Variants in ZBTB49 observed in about 807,000 individuals in gnomAD.
ZBTB49 encodes zinc finger and BTB domain containing 49.
In ZBTB49, 43 loss-of-function variants were observed where a neutral mutation model predicts 57.5. That is an observed-to-expected ratio of 0.75 (90% CI 0.59 to 0.97). The LOEUF (loss-of-function observed/expected upper bound fraction) is 0.97, where lower values mean the gene tolerates loss of function less well. ZBTB49 is among the 50% of genes least tolerant of loss of function. ZBTB49 has a pLI of 0.00. For synonymous variants in ZBTB49, 369 were observed against 362.1 expected, an observed-to-expected ratio of 1.02 and a Z score of -0.22; for missense variants, 938 against 947.7, an observed-to-expected ratio of 0.99 and a Z score of 0.13.
chr4:4,320,745 C>A lies in ZBTB49; in HGVS notation c.1727C>A (p.Ala576Glu), dbSNP rs1478557836. The change falls in exon 8 of 8, where the codon GCG (alanine) becomes GAG (glutamate). Residue 576 changes from alanine to glutamate, a missense_variant. Ala to Glu is a moderately radical substitution (Grantham distance 107, BLOSUM62 -1). Around this residue, in one of 3 missense-constraint regions of ZBTB49, gnomAD observed 835 missense variants for 819.1 expected, o/e 1.02. Transcript: ENST00000337872. ...EICNKCFTRSAVLRRHKKMHC... is the reference protein window; with the variant it reads ...EICNKCFTRSEVLRRHKKMHC... ...TGTAACAAGTGCTTTACCCGCTCTGCGGTGCTCCGGCGGCACAAGAAGATG... is the reference window on the plus strand; with the variant it reads ...TGTAACAAGTGCTTTACCCGCTCTGAGGTGCTCCGGCGGCACAAGAAGATG... The A allele has an allele frequency of 6.2e-7, 1 of 1,614,228 alleles. No individual in the cohort carries two copies. Among genetic ancestry groups the A allele is most frequent in the South Asian group, 1.1e-5 (1 of 91,086 alleles).
At chr4:4,297,627 A>C (rs894929757) in intron 1 of ZBTB49, among the ~76,000 whole-genome samples, 2 of 152,110 alleles carry the variant, frequency 1.3e-5, no homozygotes, top group Non-Finnish European at 2.9e-5. Context: ...TCTGCAAAAA[A>C]TTTTTTAAAT....
At chr4:4,295,222 C>A (rs111844548) in intron 1 of ZBTB49, among the ~76,000 whole-genome samples, 10,410 of 152,046 alleles carry the variant, frequency 0.068, 909 homozygotes, top group East Asian at 0.32. Context: ...GCTGAGGAGG[C>A]CTTGGGAAAC....
intron 7 of ZBTB49, among the ~76,000 whole-genome samples, chr4:4,317,460 G>T (rs887271992): frequency 9.9e-5 from 15 of 151,916 alleles, no homozygotes; most frequent in African/African-American, 3.6e-4. Flanking sequence ...ACCCCAGAAG[G>T]AAGCCTTATA....
At chr4:4,311,583 G>A (rs1188436806) in intron 4 of ZBTB49, among the ~76,000 whole-genome samples, 1 of 152,162 alleles carries the variant, frequency 6.6e-6, no homozygotes, top group Non-Finnish European at 1.5e-5. Context: ...GCCCCACCAT[G>A]TAACTGAGAC....
At chr4:4,293,252 G>GCT (rs1720027830) in intron 1 of ZBTB49, among the ~76,000 whole-genome samples, 1 of 151,066 alleles carries the variant, frequency 6.6e-6, no homozygotes, top group Non-Finnish European at 1.5e-5. Context: ...GTCACTAGGT[G>GCT]AGTTAGTCGC....
chr4:4,306,263 T>C lies in ZBTB49; in HGVS notation c.1302+79T>C, dbSNP rs553441948. 4 of 1,258,960 alleles carry C rather than the reference T, an allele frequency of 3.2e-6. No homozygotes were observed. The East Asian group carries it at 9.3e-5, about 29-fold the overall frequency. 78.0% of individuals were successfully genotyped at this position (1,258,960 alleles called of 1,614,324 possible). A position where few individuals can be genotyped will look rare whatever the true frequency, so the allele number is the denominator to read the frequency against. On this transcript the variant is annotated intron_variant, in intron 4 of 7. Transcript: ENST00000337872. ...TTTTATTGGAAATAAGACATACTTT[T>C]GTACTTGTGAGAGAAGCCTCTAATG...
chr4:4,320,653 G>A lies in ZBTB49; in HGVS notation c.1635G>A (p.Gly545=). The change falls in exon 8 of 8, where the codon GGG becomes GGA. Residue 545 remains glycine, a synonymous_variant. Coordinates refer to ENST00000337872, the MANE Select transcript of ZBTB49 (RefSeq NM_145291.4). ...TTCTTTTTCCAGGGAAATGTTTTGGGGGATCAGGTGACCTCCGCAGGCATG... is the reference window on the plus strand; with the variant it reads ...TTCTTTTTCCAGGGAAATGTTTTGGAGGATCAGGTGACCTCCGCAGGCATG... The part of the protein sequence containing the change: ...YSCSACGKCF[G]GSGDLRRHVR... 1 of 1,613,900 alleles carries A rather than the reference G, an allele frequency of 6.2e-7. No individual in the cohort carries two copies. Among genetic ancestry groups the A allele is most frequent in the Non-Finnish European group, 8.5e-7 (1 of 1,179,974 alleles).
intron 2 of ZBTB49, among the ~76,000 whole-genome samples, chr4:4,301,002 C>A (rs1720448963): frequency 6.6e-6 from 1 of 152,026 alleles, no homozygotes; most frequent in African/African-American, 2.4e-5. Context: ...ATTGTATAGA[C>A]CACATTACAC....
intron 1 of ZBTB49, among the ~76,000 whole-genome samples, chr4:4,290,632 C>T (rs979287101): frequency 2.6e-5 from 4 of 152,240 alleles, no homozygotes; most frequent in Admixed American, 2.6e-4. Context: ...GCTTCCTCGG[C>T]CTGGAAACCC....
chr4:4,291,227 T>C (rs963352957), intron 1 of ZBTB49, among the ~76,000 whole-genome samples: 1 of 152,240 alleles, frequency 6.6e-6, no homozygotes, highest in Admixed American at 6.5e-5. Flanking sequence ...TTCTGGAGGT[T>C]AGAAGTCCAA....
In ZBTB49 at chr4:4,303,027, T is replaced by A. The variant is rs766062779; in HGVS notation, c.1191T>A (p.Cys397Ter). The A allele has an allele frequency of 1.9e-5, 30 of 1,613,664 alleles. No individual in the cohort carries two copies. Among genetic ancestry groups the A allele is most frequent in the Non-Finnish European group, 2.5e-5 (30 of 1,179,870 alleles). ...QTLQSQRQYACELCGKPFKHP... is the reference protein window; with the variant it reads ...QTLQSQRQYA ...TTCAGTCCCAGAGACAATACGCGTG[T>A]GAATTATGCGGGAAACCTTTTAAAC... is the stretch of plus-strand genomic sequence containing the variant. Residue 397 changes from cysteine (C) to a stop codon, truncating the protein, a stop_gained, in exon 3 of 8, where the codon TGT (cysteine) becomes TGA (stop). Coordinates refer to ENST00000337872, the MANE Select transcript of ZBTB49 (RefSeq NM_145291.4). LOFTEE classifies it high-confidence loss of function.
At chr4:4,313,223 C>G in intron 5 of ZBTB49, 109 bp downstream of exon 5, 1 of 1,207,806 alleles carries the variant, frequency 8.3e-7, no homozygotes, top group Non-Finnish European at 1.2e-6. Context: ...CACAGGTGGG[C>G]TCACCCTGCC....
rs192862862 is a variant in ZBTB49, at chr4:4,298,558, C to T, written c.-19-1369C>T. Among the ~76,000 whole-genome samples the T allele has an allele frequency of 3.9e-5, 6 of 152,220 alleles. No individual in the cohort carries two copies. In the East Asian group the frequency reaches 1.2e-3, roughly 29 times the overall value. ...CCTCCTCCCTCAGCCTCTCAAGTAG[C>T]TGGGACTACAGGCATGTGCCACCAT... On this transcript the variant is annotated intron_variant, in intron 1 of 7. Transcript: ENST00000337872.
chr4:4,298,679 C>G (rs890403445), intron 1 of ZBTB49, among the ~76,000 whole-genome samples: 5 of 152,202 alleles, frequency 3.3e-5, no homozygotes, highest in Non-Finnish European at 7.3e-5. Flanking sequence ...ATCCTCCTGC[C>G]TCAACCTCCC....
chr4:4,309,540 G>T (rs1049129719), intron 4 of ZBTB49, among the ~76,000 whole-genome samples: 3 of 152,212 alleles, frequency 2.0e-5, no homozygotes, highest in Non-Finnish European at 4.4e-5. Context: ...GATTGCTTTT[G>T]TTCCTCCAAG....
intron 1 of ZBTB49, among the ~76,000 whole-genome samples, chr4:4,293,916 G>C (rs62289473): frequency 0.4 from 61,103 of 152,202 alleles, 14,184 homozygotes; most frequent in Middle Eastern, 0.54. Context: ...TCTGATTAAG[G>C]CAGAGCCTGT....
Position 4,321,449 on chromosome 4 carries a change from T to C in ZBTB49, c.*133T>C. ...GAATAGGTAGCTTCCCTCCTGATGA[T>C]GGCTCATAATCTGAAGCATCTTGAG... On this transcript the variant is annotated 3_prime_UTR_variant, in exon 8 of 8. Transcript: ENST00000337872. 1 of 954,992 alleles carries C rather than the reference T, an allele frequency of 1.0e-6. No individual in the cohort carries two copies. The highest frequency in any genetic ancestry group is 1.5e-6 in the Non-Finnish European group (1 of 646,346). The allele number at this position is 954,992 out of a possible 1,614,324, so 59.2% of individuals were successfully genotyped here.
At chr4:4,309,659 C>G (rs769937500) in intron 4 of ZBTB49, among the ~76,000 whole-genome samples, 13 of 152,256 alleles carry the variant, frequency 8.5e-5, no homozygotes, top group Non-Finnish European at 1.3e-4. Context: ...TCCGGGGGTC[C>G]TAGTGCCTTC....
intron 1 of ZBTB49, among the ~76,000 whole-genome samples, chr4:4,290,590 G>T (rs1308848801): frequency 6.6e-6 from 1 of 152,198 alleles, no homozygotes; most frequent in Non-Finnish European, 1.5e-5. Context: ...GCCAGGTTCC[G>T]GGCCTGGGAG....
Sources: allele counts gnomAD v4.1 joint callset (sites outside exome capture counted in the v4.1 genomes callset), GRCh38; gene constraint gnomAD v4.1.1; regional missense constraint gnomAD v4.1.1; transcripts MANE v1.5; gene names NCBI Gene and HGNC (gene_info 2026-07-23, HGNC 2026-07-21).